The following PDE12 variants were observed in gnomAD, a reference collection of about 807,000 sequenced individuals.
PDE12 encodes 2',5'-phosphodiesterase 12.
In PDE12, 26 loss-of-function variants were observed where a neutral mutation model predicts 45.4. The ratio of observed to expected loss-of-function variants is 0.57; its 90% CI spans 0.42 to 0.79. The LOEUF (loss-of-function observed/expected upper bound fraction) is 0.79. Among genes scored for constraint, PDE12 ranks in the 30% least tolerant of loss-of-function variants. The probability of loss-of-function intolerance (pLI) is 0.00; values close to 1 mark genes in which losing one functional copy is unlikely to be tolerated. For synonymous variants in PDE12, 283 were observed against 323.9 expected (o/e 0.87, Z 1.36); for missense variants, 668 against 790.0 (o/e 0.85, Z 1.85).
intron 2 of PDE12, 55 bp downstream of exon 2, chr3:57,559,443 T>G: frequency 1.6e-5 from 22 of 1,356,116 alleles, no homozygotes; most frequent in Non-Finnish European, 2.2e-5. Context: ...TTGTTTAAAG[T>G]GTTTTACACA....
At chr3:57,619,974 A>T in the PDE12 span, among the ~76,000 whole-genome samples, 1 of 152,246 alleles carries the variant, frequency 6.6e-6, no homozygotes, top group South Asian at 2.1e-4. Flanking sequence ...CTGTAATCCC[A>T]GCACTTTGGG....
chr3:57,591,387 G>A, the PDE12 span, among the ~76,000 whole-genome samples: 2 of 149,868 alleles, frequency 1.3e-5, no homozygotes, highest in South Asian at 4.2e-4. Flanking sequence ...GTGCTTATGT[G>A]AATTTAATGA....
the PDE12 span, among the ~76,000 whole-genome samples, chr3:57,602,601 C>A: frequency 6.6e-6 from 1 of 152,112 alleles, no homozygotes; most frequent in Admixed American, 6.5e-5. Context: ...GCCAGAGTCT[C>A]GCTCTGCTGC....
In PDE12 at chr3:57,556,539, G is replaced by A; in HGVS notation, c.160G>A (p.Ala54Thr). The A allele has an allele frequency of 1.2e-6, 2 of 1,613,546 alleles. No homozygotes were observed. The highest frequency in any genetic ancestry group is 1.7e-6 in the Non-Finnish European group (2 of 1,179,994). The change falls in exon 1 of 3, where the codon GCT becomes ACT. Residue 54 changes from alanine (A) to threonine (T), a missense_variant. By Grantham distance (58) the Ala-to-Thr change is moderately conservative. Coordinates refer to ENST00000311180, the MANE Select transcript of PDE12 (RefSeq NM_177966.7). This position sits in a 1 kb window ranked among gnomAD's most constrained non-coding sequence, Gnocchi z 5.0. ...PSEPKLSLSF[A>T]LADGSHKNMQ... The stretch of plus-strand genomic sequence containing the variant: ...GGAACCCAAGCTGAGCCTGTCATTC[G>A]CTTTGGCTGATGGTAGCCACAAGAA...
chr3:57,584,558 A>T, the PDE12 span: 30,939 of 1,053,424 alleles, frequency 0.029, 530 homozygotes, highest in Non-Finnish European at 0.034. Context: ...CTAGAAGTTG[A>T]CTGTTCAAGA....
the PDE12 span, among the ~76,000 whole-genome samples, chr3:57,598,745 C>A: frequency 6.6e-6 from 1 of 152,134 alleles, no homozygotes; most frequent in Admixed American, 6.6e-5. Flanking sequence ...CGCGCCCCTG[C>A]ACTCCAGCCT....
chr3:57,568,528 A>C (rs1211827919), downstream of PDE12, among the ~76,000 whole-genome samples: 1 of 152,046 alleles, frequency 6.6e-6, no homozygotes, highest in Non-Finnish European at 1.5e-5. Context: ...CTGTATACTC[A>C]AGTAAACTGA....
chr3:57,570,219 G>GTTTTTTTTTTTTTTTTTTTTTTT (rs34599005), downstream of PDE12, among the ~76,000 whole-genome samples: 5 of 102,328 alleles, frequency 4.9e-5, no homozygotes, highest in African/African-American at 1.9e-4. Flanking sequence ...TTAATCCAGT[G>GTTTTTTTTTTTTTTTTTTTTTTT]TTTTTTTTTT....
the PDE12 span, among the ~76,000 whole-genome samples, chr3:57,624,704 C>T: frequency 2.6e-5 from 4 of 150,950 alleles, no homozygotes; most frequent in Non-Finnish European, 1.5e-5. Flanking sequence ...GTGGAGATTG[C>T]AGTGAGCAGA....
chr3:57,570,133 C>T (rs1031678426), downstream of PDE12, among the ~76,000 whole-genome samples: 3 of 151,540 alleles, frequency 2.0e-5, no homozygotes, highest in African/African-American at 4.8e-5. Context: ...AGGGAAATTG[C>T]ATTTCTAACA....
At chr3:57,624,642 T>A in the PDE12 span, among the ~76,000 whole-genome samples, 1 of 151,476 alleles carries the variant, frequency 6.6e-6, no homozygotes, top group Non-Finnish European at 1.5e-5. Flanking sequence ...CACATACTTG[T>A]AATCCCAGCT....
chr3:57,635,904 G>A, the PDE12 span, among the ~76,000 whole-genome samples: 1 of 152,228 alleles, frequency 6.6e-6, no homozygotes, highest in East Asian at 1.9e-4. Context: ...AACCTACTCA[G>A]TGTGAAGGCT....
chr3:57,587,540 A>T, the PDE12 span, among the ~76,000 whole-genome samples: 1 of 151,848 alleles, frequency 6.6e-6, no homozygotes, highest in Non-Finnish European at 1.5e-5. Context: ...TTACCCAAAA[A>T]TCATGTATTA....
the PDE12 span, among the ~76,000 whole-genome samples, chr3:57,582,246 T>A: frequency 1.1e-4 from 16 of 152,074 alleles, no homozygotes; most frequent in Admixed American, 9.8e-4. Context: ...AACATTCTAC[T>A]ATTTTTTTTT....
At chr3:57,577,568 T>C in the PDE12 span, among the ~76,000 whole-genome samples, 1 of 152,214 alleles carries the variant, frequency 6.6e-6, no homozygotes, top group African/African-American at 2.4e-5. Flanking sequence ...TTTAATTTAT[T>C]AGTGCTATTT....
At chr3:57,632,103 T>G in the PDE12 span, among the ~76,000 whole-genome samples, 1 of 142,638 alleles carries the variant, frequency 7.0e-6, no homozygotes, top group South Asian at 2.4e-4. Context: ...CACTGCAACC[T>G]CCGCCTCCCG....
At chr3:57,632,215 G>A in the PDE12 span, among the ~76,000 whole-genome samples, 393 of 149,830 alleles carry the variant, frequency 2.6e-3, 2 homozygotes, top group African/African-American at 9.2e-3. Flanking sequence ...GAGACGAGAC[G>A]GGGTTTCACC....
At chr3:57,618,753 C>T in the PDE12 span, among the ~76,000 whole-genome samples, 23 of 151,176 alleles carry the variant, frequency 1.5e-4, no homozygotes, top group Non-Finnish European at 2.4e-4. Context: ...GGATTACAGG[C>T]GTGCACCACC....
the PDE12 span, among the ~76,000 whole-genome samples, chr3:57,650,661 G>C: frequency 6.6e-6 from 1 of 151,812 alleles, no homozygotes; most frequent in South Asian, 2.1e-4. Flanking sequence ...TGGAAAACAT[G>C]TCCACACAAA....
Sources: allele counts gnomAD v4.1 joint callset (sites outside exome capture counted in the v4.1 genomes callset), GRCh38; gene constraint gnomAD v4.1.1; non-coding constraint Gnocchi (gnomAD v3.1); transcripts MANE v1.5; gene names NCBI Gene and HGNC (gene_info 2026-07-23, HGNC 2026-07-21).